CASTOR1: variants seen among roughly 807,000 people sequenced by gnomAD.
The protein encoded by CASTOR1 is cytosolic arginine sensor for mTORC1 subunit 1, also known as GATS protein like 3.
Under a neutral mutation model 33.7 loss-of-function variants are expected in CASTOR1, and 18 were observed. That is an observed-to-expected ratio of 0.53 (90% CI 0.37 to 0.79). The LOEUF is 0.79. CASTOR1 is among the 30% of genes least tolerant of loss of function. The probability of loss-of-function intolerance (pLI) is 0.00; values close to 1 mark genes in which losing one functional copy is unlikely to be tolerated. For missense variants in CASTOR1, 362 were observed against 446.3 expected (o/e 0.81, Z 1.70); for synonymous variants, 175 against 190.6 (o/e 0.92, Z 0.67).
Position 30,285,844 on chromosome 22 carries a change from G to A in CASTOR1, c.909C>T (p.Phe303=), listed in dbSNP as rs1481990970. The part of the protein sequence containing the change: ...ISAYYISTFN[F]DHALVPEDGI... The stretch of plus-strand genomic sequence containing the variant: ...CCTTGGTGCTCACCAGGGCGTGGTC[G>A]AAGTTGAAGGTGCTGATGTAGTAGG... The change falls in exon 8 of 9, where the codon TTC becomes TTT. Residue 303 remains phenylalanine, a synonymous_variant. Transcript: ENST00000407689. 1.7e-5 allele frequency: 9 copies of A among 521,898 alleles called. No individual in the cohort carries two copies. The African/African-American group carries it at 4.4e-4, about 25-fold the overall frequency. The allele number at this position is 521,898 out of a possible 1,614,324, so 32.3% of individuals were successfully genotyped here.
Position 30,285,360 on chromosome 22 carries a change from G to T in CASTOR1, c.*260C>A. ...GAGGCTGCGCAGGGAGTGATGGGTT[G>T]GGGGCTTAAGCCCCGAGCACCGTGT... On this transcript the variant is annotated 3_prime_UTR_variant, in exon 9 of 9. Coordinates refer to ENST00000407689, the MANE Select transcript of CASTOR1 (RefSeq NM_001037666.3). 2.4e-6 allele frequency: 1 copy of T among 421,098 alleles called. No individual in the cohort carries two copies. 26.1% of individuals were successfully genotyped at this position (421,098 alleles called of 1,614,324 possible).
In CASTOR1 at chr22:30,285,531, G is replaced by A. The variant is rs753572332; in HGVS notation, c.*89C>T. 56 of 1,089,554 alleles carry A rather than the reference G, an allele frequency of 5.1e-5. 1 individual carries two copies. The highest frequency in any genetic ancestry group is 1.4e-4 in the South Asian group (10 of 69,584). The allele number at this position is 1,089,554 out of a possible 1,614,324, so 67.5% of individuals were successfully genotyped here. On this transcript the variant is annotated 3_prime_UTR_variant, in exon 9 of 9. Transcript: ENST00000407689. ...GGGTCCCCAGCAGAACAGGGGGCTC[G>A]TTCCAGAGCTTAAGGAAATAGCTTA... is the stretch of plus-strand genomic sequence containing the variant.
At position 30,286,876 on chromosome 22, in the gene CASTOR1, G is replaced by A. The variant is rs201464855; in HGVS notation, c.578C>T (p.Thr193Met). Residue 193 changes from threonine to methionine, a missense_variant, in exon 5 of 9, where the codon ACG becomes ATG. Coordinates refer to ENST00000407689, the MANE Select transcript of CASTOR1 (RefSeq NM_001037666.3). ...GAGGGTGGTGGCGATGGCTGGAAGC[G>A]TCTCAGGGTCCAGTGTGAGGACACA... is the stretch of plus-strand genomic sequence containing the variant. Reference protein sequence around the residue: ...RFCVLTLDPETLPAIATTLID... With the variant: ...RFCVLTLDPEMLPAIATTLID... 45 of 1,614,208 alleles carry A rather than the reference G, an allele frequency of 2.8e-5. No individual in the cohort carries two copies. The highest frequency in any genetic ancestry group is 9.3e-5 in the African/African-American group (7 of 75,054).
intron 1 of CASTOR1, chr22:30,288,979 G>A (rs1929861466): frequency 3.5e-6 from 2 of 566,664 alleles, no homozygotes; most frequent in South Asian, 2.2e-5. Context: ...ACCTCTCCAG[G>A]AACCCTCCAC....
intron 2 of CASTOR1, chr22:30,287,845 G>A: frequency 1.6e-6 from 1 of 640,456 alleles, no homozygotes; most frequent in Non-Finnish European, 2.9e-6. Context: ...TGGGTGATTT[G>A]AGTCTCAGTT....
chr22:30,286,686 C>T, intron 5 of CASTOR1, 139 bp downstream of exon 5: 1 of 1,101,556 alleles, frequency 9.1e-7, no homozygotes. Context: ...ATCAGTGAAG[C>T]ACAAGTGAGC....
rs373119268 is a variant in CASTOR1 at position 30,287,170 on chromosome 22, G to T, written c.490C>A (p.Pro164Thr). 12 of 1,611,012 alleles carry T rather than the reference G, an allele frequency of 7.4e-6. No individual in the cohort carries two copies. The highest frequency in any genetic ancestry group is 9.3e-6 in the Non-Finnish European group (11 of 1,178,206). ...CGGCCCTCACCATGCTGAGTGCGGG[G>T]AAAGCCATTGCTGGAATCATCCCTC... Reference protein sequence around the residue: ...VTRDDSSNGFPRTQHGPSPTV... With the variant: ...VTRDDSSNGFTRTQHGPSPTV... Residue 164 changes from proline to threonine, a missense_variant, in exon 4 of 9, where the codon CCC (proline) becomes ACC (threonine). By Grantham distance (38) the Pro-to-Thr change is conservative. Coordinates refer to ENST00000407689, the MANE Select transcript of CASTOR1 (RefSeq NM_001037666.3).
chr22:30,286,098 C>T lies in CASTOR1; in HGVS notation c.744G>A (p.Lys248=). The T allele has an allele frequency of 1.3e-6, 2 of 1,568,898 alleles. No homozygotes were observed. The highest frequency in any genetic ancestry group is 1.7e-6 in the Non-Finnish European group (2 of 1,156,278). ...SIVMDAETQK[K]FPSDLLLTSS... ...TGGTCAGCAGGAGGTCACTGGGGAA[C>T]CTGGGGAGGGAGATGGGTGATGGGC... The change falls in exon 7 of 9, where the codon AAG becomes AAA. Residue 248 remains lysine, a splice_region_variant and synonymous_variant. Transcript: ENST00000407689.
Position 30,286,037 on chromosome 22 carries a change from C to T in CASTOR1, c.805G>A (p.Gly269Ser), listed in dbSNP as rs750642300. ...SGELWRMVRI[G>S]GQPLGFDECG... Reference sequence around the variant, plus strand: ...TCACCAAAGCCCAGGGGCTGTCCACCGATGCGCACCATCCTCCACAGCTCC... The same window carrying T: ...TCACCAAAGCCCAGGGGCTGTCCACTGATGCGCACCATCCTCCACAGCTCC... The change falls in exon 7 of 9, where the codon GGT (glycine) becomes AGT (serine). Residue 269 changes from glycine (G) to serine (S), a missense_variant. Physicochemically the swap from Gly to Ser is moderately conservative, Grantham distance 56 (BLOSUM62 0). Transcript: ENST00000407689. 3 of 1,590,852 alleles carry T rather than the reference C, an allele frequency of 1.9e-6. No homozygotes were observed. Among genetic ancestry groups the T allele is most frequent in the East Asian group, 2.2e-5 (1 of 44,538 alleles).
chr22:30,286,907 G>C lies in CASTOR1; in HGVS notation c.547C>G (p.Arg183Gly). The C allele has an allele frequency of 1.9e-6, 3 of 1,614,152 alleles. No individual in the cohort carries two copies. The highest frequency in any genetic ancestry group is 2.5e-6 in the Non-Finnish European group (3 of 1,180,002). ...TVHPIQSPQN[R>G]FCVLTLDPET... ...GGGTCCAGTGTGAGGACACAGAAGC[G>C]GTTCTGTGGGCTCTGGATGGGATGC... The change falls in exon 5 of 9, where the codon CGC becomes GGC. Residue 183 changes from arginine (R) to glycine (G), a missense_variant. Physicochemically the swap from Arg to Gly is moderately radical, Grantham distance 125 (BLOSUM62 -2). Coordinates refer to ENST00000407689, the MANE Select transcript of CASTOR1 (RefSeq NM_001037666.3).
chr22:30,285,283 A>T lies in CASTOR1; in HGVS notation c.*337T>A. 4.7e-6 allele frequency: 1 copy of T among 214,550 alleles called. No homozygotes were observed. Among genetic ancestry groups the T allele is most frequent in the Non-Finnish European group, 9.2e-6 (1 of 108,480 alleles). 13.3% of individuals were successfully genotyped at this position (214,550 alleles called of 1,614,324 possible). On this transcript the variant is annotated 3_prime_UTR_variant, in exon 9 of 9. Coordinates refer to ENST00000407689, the MANE Select transcript of CASTOR1 (RefSeq NM_001037666.3). The stretch of plus-strand genomic sequence containing the variant: ...CGGAGGTCAGCGGGGCAGCTGGCCC[A>T]GGAAGCCTTTGGGGAATGGCTCAGG...
In CASTOR1 at chr22:30,287,258, G is replaced by A; in HGVS notation, c.402C>T (p.Ile134=). The change falls in exon 4 of 9, where the codon ATC becomes ATT. Residue 134 remains isoleucine, a synonymous_variant. Coordinates refer to ENST00000407689, the MANE Select transcript of CASTOR1 (RefSeq NM_001037666.3). The part of the protein sequence containing the change: ...LVREQDLSVV[I]HTLAQEFDIY... ...TGTCGAACTCCTGGGCCAGCGTGTG[G>A]ATCACCACGGACAGGTCCTGCTCCC... 2 of 1,580,068 alleles carry A rather than the reference G, an allele frequency of 1.3e-6. No individual in the cohort carries two copies. The highest frequency in any genetic ancestry group is 1.7e-6 in the Non-Finnish European group (2 of 1,160,264).
chr22:30,287,638 G>T, intron 2 of CASTOR1, 78 bp from the exon 3 acceptor site: 1 of 1,363,550 alleles, frequency 7.3e-7, no homozygotes. Flanking sequence ...TTCCCTTTCT[G>T]TGCCTTGGAG....
At chr22:30,285,811 G>GCCCCAGCCCTTGGTGCTCCCCCTT in intron 8 of CASTOR1, 21 bp downstream of exon 8, 2 of 1,597,562 alleles carry the variant, frequency 1.3e-6, no homozygotes, top group Middle Eastern at 1.7e-4. Flanking sequence ...TCTCCCCTCT[G>GCCCCAGCCCTTGGTGCTCCCCCTT]CCCCAGCCCT....
chr22:30,285,421 C>G lies in CASTOR1; in HGVS notation c.*199G>C. ...GGGCAGACACGCAGTCAGGCTAGCA[C>G]CTGCCCACTCCACCTGTGAGTGTAC... On this transcript the variant is annotated 3_prime_UTR_variant, in exon 9 of 9. Coordinates refer to ENST00000407689, the MANE Select transcript of CASTOR1 (RefSeq NM_001037666.3). 1 of 541,860 alleles carries G rather than the reference C, an allele frequency of 1.8e-6. No individual in the cohort carries two copies. The allele number at this position is 541,860 out of a possible 1,614,324, so 33.6% of individuals were successfully genotyped here.
chr22:30,288,587 G>A (rs1015604877), intron 2 of CASTOR1, 119 bp downstream of exon 2: 13 of 798,030 alleles, frequency 1.6e-5, no homozygotes, highest in Admixed American at 5.0e-5. Context: ...TTCGAACCCC[G>A]ACCCATCTGC....
In CASTOR1 at chr22:30,288,947, G is replaced by C. The variant is rs746860933; in HGVS notation, c.114-171C>G. 8.1e-4 allele frequency: 470 copies of C among 577,152 alleles called. 5 individuals carry two copies. The highest frequency in any genetic ancestry group is 2.3e-4 in the Admixed American group (7 of 30,552). The allele number at this position is 577,152 out of a possible 1,614,324, so 35.8% of individuals were successfully genotyped here. A position where few individuals can be genotyped will look rare whatever the true frequency, so the allele number is the denominator to read the frequency against. On this transcript the variant is annotated intron_variant, in intron 1 of 8. Coordinates refer to ENST00000407689, the MANE Select transcript of CASTOR1 (RefSeq NM_001037666.3). ...GATGTTAGCCCCATCTCGGGGGTTG[G>C]GGGCTACTTTCCGGCCTCCCGACCT...
intron 2 of CASTOR1, chr22:30,287,955 G>A (rs1000404940): frequency 1.5e-5 from 7 of 466,722 alleles, no homozygotes; most frequent in African/African-American, 9.9e-5. Context: ...GGGGGCATTC[G>A]CAGATCAGGT....
chr22:30,286,161 T>C (rs1929759869), intron 6 of CASTOR1, 63 bp from the exon 7 acceptor site: 1 of 1,434,058 alleles, frequency 7.0e-7, no homozygotes, highest in Admixed American at 1.9e-5. Context: ...CCGTGAGCTC[T>C]GGGACAGGTA....
Sources: allele counts gnomAD v4.1 joint callset, GRCh38; gene constraint gnomAD v4.1.1; transcripts MANE v1.5; gene names NCBI Gene and HGNC (gene_info 2026-07-23, HGNC 2026-07-21).